Variants in GPN1 observed in about 807,000 individuals in gnomAD.
GPN1 encodes the protein GPN-loop GTPase 1.
Under a neutral mutation model 55.9 loss-of-function variants are expected in GPN1, and 44 were observed. That is an observed-to-expected ratio of 0.79 (90% CI 0.62 to 1.01). The LOEUF (loss-of-function observed/expected upper bound fraction) is 1.01, where lower values mean the gene tolerates loss of function less well. GPN1 is among the 50% of genes least tolerant of loss of function. The pLI is 0.00. For synonymous variants in GPN1, 179 were observed against 162.5 expected (o/e 1.10, Z -0.77); for missense variants, 466 against 462.8 (o/e 1.01, Z -0.06).
At chr2:27,644,969 A>G (rs182955519) in intron 12 of GPN1, among the ~76,000 whole-genome samples, 255 of 151,774 alleles carry the variant, frequency 1.7e-3, no homozygotes, top group African/African-American at 5.7e-3. Flanking sequence ...TGGACTGTTT[A>G]TTTATTTATT....
intron 13 of GPN1, among the ~76,000 whole-genome samples, chr2:27,649,036 G>A (rs1674379933): frequency 6.6e-6 from 1 of 151,626 alleles, no homozygotes; most frequent in South Asian, 2.1e-4. Flanking sequence ...CTGAGGCCAG[G>A]AGTTCAAGAC....
chr2:27,629,746 C>T, intron 1 of GPN1, 113 bp from the exon 2 acceptor site: 1 of 684,272 alleles, frequency 1.5e-6, no homozygotes. Flanking sequence ...GTGGATATTT[C>T]AGGTAGAAGA....
intron 9 of GPN1, among the ~76,000 whole-genome samples, chr2:27,639,265 A>G (rs1292297230): frequency 6.6e-6 from 1 of 152,218 alleles, no homozygotes; most frequent in African/African-American, 2.4e-5. Flanking sequence ...AACATATGAT[A>G]TATTGTAGTA....
chr2:27,630,325 T>C (rs963042251), intron 2 of GPN1, among the ~76,000 whole-genome samples: 11 of 151,896 alleles, frequency 7.2e-5, no homozygotes, highest in African/African-American at 2.7e-4. Context: ...TCTTTTTTCA[T>C]GTTTTCTAAA....
chr2:27,647,997 T>G, intron 13 of GPN1, 54 bp downstream of exon 13: 1 of 983,906 alleles, frequency 1.0e-6, no homozygotes, highest in South Asian at 1.3e-5. Context: ...TATCCTCACA[T>G]TGTTTGCCCA....
chr2:27,642,950 T>TACACACAC (rs1375069534), intron 12 of GPN1, among the ~76,000 whole-genome samples: 5 of 37,586 alleles, frequency 1.3e-4, no homozygotes, highest in African/African-American at 2.7e-4. Flanking sequence ...GTTTTATATA[T>TACACACAC]ATATATATAC....
At chr2:27,649,523 CTTTTT>C (rs376145126) in intron 13 of GPN1, among the ~76,000 whole-genome samples, 4 of 152,064 alleles carry the variant, frequency 2.6e-5, no homozygotes. Context: ...CCTCATGCCC[CTTTTT>C]TTTCAGTCCC....
chr2:27,639,174 A>C (rs1195100282), intron 9 of GPN1, 143 bp downstream of exon 9: 3 of 659,746 alleles, frequency 4.5e-6, no homozygotes, highest in African/African-American at 3.6e-5. Context: ...AAAATTGTGG[A>C]GTGTACAAGA....
chr2:27,648,401 TCA>T (rs1449989437), intron 13 of GPN1, among the ~76,000 whole-genome samples: 1 of 151,980 alleles, frequency 6.6e-6, no homozygotes, highest in African/African-American at 2.4e-5. Context: ...CACCTGTAGT[TCA>T]AGCTGTTTGG....
chr2:27,633,557 T>C (rs1314297007), intron 5 of GPN1, among the ~76,000 whole-genome samples: 3 of 152,060 alleles, frequency 2.0e-5, no homozygotes, highest in Non-Finnish European at 4.4e-5. Flanking sequence ...CTCACTGCAA[T>C]CTTTGCATCC....
At chr2:27,638,126 TCTTA>T (rs902974660) in intron 7 of GPN1, 80 bp from the exon 8 acceptor site, 19 of 764,822 alleles carry the variant, frequency 2.5e-5, no homozygotes, top group Admixed American at 7.7e-5. Context: ...ATTTCTGTTC[TCTTA>T]CTTAGTCCCG....
chr2:27,638,811 C>A, intron 8 of GPN1, 74 bp from the exon 9 acceptor site: 2 of 1,256,962 alleles, frequency 1.6e-6, no homozygotes, highest in Non-Finnish European at 2.2e-6. Context: ...TCTTTGCTGT[C>A]AACACTTAAT....
In GPN1 at chr2:27,650,220, C is replaced by G. The variant is rs765497728; in HGVS notation, c.*20C>G. The G allele has an allele frequency of 7.0e-7, 1 of 1,430,728 alleles. No homozygotes were observed. The highest frequency in any genetic ancestry group is 9.9e-7 in the Non-Finnish European group (1 of 1,014,730). 88.6% of individuals were successfully genotyped at this position (1,430,728 alleles called of 1,614,324 possible). A position where few individuals can be genotyped will look rare whatever the true frequency, so the allele number is the denominator to read the frequency against. The stretch of plus-strand genomic sequence containing the variant: ...AAATAGGAGACTTTAGCACACTTCA[C>G]TTGTTTCTAGAAGTCCAGAATTTTG... On this transcript the variant is annotated 3_prime_UTR_variant, in exon 14 of 14. Transcript: ENST00000610189.
chr2:27,631,610 C>T (rs1344072910), intron 3 of GPN1: 1 of 578,268 alleles, frequency 1.7e-6, no homozygotes, highest in South Asian at 2.1e-5. Context: ...GGTCACTTTG[C>T]TTTCTTCATT....
rs1180613554 is a variant in GPN1, at chr2:27,644,180, A to AC, written c.931+1661_931+1662insC. On this transcript the variant is annotated intron_variant, in intron 12 of 13. Transcript: ENST00000610189. ...ACAGAGTGAGACTCCCTCCATCTTA[A>AC]AAACAACAACAACAAAAATTACTAT... Among the ~76,000 whole-genome samples, 3 of 152,260 alleles carry AC rather than the reference A, an allele frequency of 2.0e-5. No homozygotes were observed. The East Asian group carries it at 5.8e-4, about 29-fold the overall frequency.
intron 1 of GPN1, chr2:27,629,576 C>G (rs1051683029): frequency 7.6e-5 from 51 of 673,266 alleles, no homozygotes; most frequent in Non-Finnish European, 1.3e-4. Flanking sequence ...TGACAAGATT[C>G]ATTCGTGGGG....
intron 13 of GPN1, among the ~76,000 whole-genome samples, 200 bp downstream of exon 13, chr2:27,648,143 G>A (rs1278357321): frequency 3.3e-5 from 5 of 152,214 alleles, no homozygotes; most frequent in African/African-American, 1.2e-4. Context: ...CCTTTCGTTG[G>A]TCTTGTGTCT....
chr2:27,637,051 G>T (rs914642387), intron 7 of GPN1, among the ~76,000 whole-genome samples: 2 of 151,916 alleles, frequency 1.3e-5, no homozygotes, highest in Non-Finnish European at 2.9e-5. Context: ...GCCAACCCCT[G>T]CAGAGACCAG....
upstream of GPN1, chr2:27,628,251 T>C (rs1673364993): frequency 2.5e-6 from 2 of 809,726 alleles, no homozygotes. Context: ...CTGAACACTG[T>C]TTGCAGCTAC....
Sources: allele counts gnomAD v4.1 joint callset (sites outside exome capture counted in the v4.1 genomes callset), GRCh38; gene constraint gnomAD v4.1.1; transcripts MANE v1.5; gene names NCBI Gene and HGNC (gene_info 2026-07-23, HGNC 2026-07-21).